The following RRBP1 variants were observed in gnomAD, a reference collection of about 807,000 sequenced individuals.
RRBP1 encodes the protein ribosome binding protein 1, also known as ribosome-binding protein 1.
A neutral mutation model predicts 165.2 loss-of-function variants in RRBP1; 94 were observed. The ratio of observed to expected loss-of-function variants is 0.57; its 90% CI spans 0.48 to 0.68. The LOEUF (loss-of-function observed/expected upper bound fraction) is 0.68. RRBP1 is among the 30% of genes least tolerant of loss of function. RRBP1 has a pLI of 0.00. For synonymous variants in RRBP1, 680 were observed against 714.5 expected (o/e 0.95, Z 0.77); for missense variants, 1,676 against 1,763.0 (o/e 0.95, Z 0.88).
chr20:17,627,712 AAG>A, intron 9 of RRBP1, 30 bp from the exon 10 acceptor site: 2 of 1,555,354 alleles, frequency 1.3e-6, no homozygotes, highest in Non-Finnish European at 1.7e-6. Flanking sequence ...ACGAGAAGTT[AAG>A]AGACTGCAAA....
intron 3 of RRBP1, among the ~76,000 whole-genome samples, chr20:17,651,428 T>C (rs567310192): frequency 3.9e-5 from 6 of 152,396 alleles, no homozygotes; most frequent in African/African-American, 1.4e-4. Context: ...ATGTACATCA[T>C]TGCAGCATTA....
At chr20:17,648,070 G>A (rs546810012) in intron 3 of RRBP1, among the ~76,000 whole-genome samples, 186 of 152,322 alleles carry the variant, frequency 1.2e-3, no homozygotes, top group African/African-American at 4.3e-3. Context: ...CAGAGGCTGA[G>A]GACAAGCTCC....
intron 3 of RRBP1, among the ~76,000 whole-genome samples, chr20:17,645,394 G>A (rs1219988655): frequency 1.3e-5 from 2 of 152,120 alleles, no homozygotes; most frequent in Admixed American, 6.6e-5. Context: ...TGCAACACGC[G>A]AAACAAACGC....
At chr20:17,681,222 G>A (rs976119032) in intron 1 of RRBP1, among the ~76,000 whole-genome samples, 3 of 148,354 alleles carry the variant, frequency 2.0e-5, no homozygotes, top group Admixed American at 6.7e-5. Flanking sequence ...CGGGCCCCGG[G>A]CGCCCTCGTC....
intron 2 of RRBP1, among the ~76,000 whole-genome samples, chr20:17,673,472 G>A (rs907341195): frequency 3.3e-5 from 5 of 152,098 alleles, no homozygotes; most frequent in African/African-American, 1.2e-4. Flanking sequence ...GCAGTGGTAC[G>A]ATCCCGGCTC....
At chr20:17,648,115 G>C (rs1401258917) in intron 3 of RRBP1, among the ~76,000 whole-genome samples, 3 of 152,154 alleles carry the variant, frequency 2.0e-5, no homozygotes, top group Non-Finnish European at 4.4e-5. Context: ...GGGCATCTCT[G>C]TCTCTCTCAA....
At chr20:17,668,371 T>C (rs919711045) in intron 2 of RRBP1, among the ~76,000 whole-genome samples, 14 of 152,248 alleles carry the variant, frequency 9.2e-5, no homozygotes, top group African/African-American at 3.4e-4. Flanking sequence ...TATTTTTCAT[T>C]GTCTTCTTTT....
Position 17,614,286 on chromosome 20 carries a change from C to CTA in RRBP1, c.4195-68_4195-67dup. On this transcript the variant is annotated intron_variant, in intron 24 of 24. Transcript: ENST00000377813. ...GAGCCATGGCAGAACCACCTGCCCT[C>CTA]TACCCTGGGCCTTTAGTCCCTCCCT... is the stretch of plus-strand genomic sequence containing the variant. The CTA allele has an allele frequency of 2.0e-6, 3 of 1,493,062 alleles. No homozygotes were observed. In the South Asian group the frequency reaches 3.4e-5, roughly 17 times the overall value. 92.5% of individuals were successfully genotyped at this position (1,493,062 alleles called of 1,614,324 possible).
chr20:17,665,726 T>C (rs1465672063), intron 2 of RRBP1, among the ~76,000 whole-genome samples: 1 of 152,208 alleles, frequency 6.6e-6, no homozygotes, highest in African/African-American at 2.4e-5. Flanking sequence ...GTGAAAAATC[T>C]CCTTTATACC....
chr20:17,680,656 T>C (rs1331996681), intron 1 of RRBP1, among the ~76,000 whole-genome samples: 1 of 151,990 alleles, frequency 6.6e-6, no homozygotes, highest in East Asian at 1.9e-4. Context: ...GATAAGAAAC[T>C]AGGATTCAGA....
At chr20:17,619,187 G>A (rs1342150206) in intron 19 of RRBP1, 1 of 176,618 alleles carries the variant, frequency 5.7e-6, no homozygotes, top group African/African-American at 2.4e-5. Flanking sequence ...TCAAAGTGCT[G>A]GGATTACAGG....
intron 2 of RRBP1, among the ~76,000 whole-genome samples, chr20:17,672,683 A>G (rs113112994): frequency 1.3e-5 from 2 of 152,200 alleles, no homozygotes; most frequent in South Asian, 2.1e-4. Flanking sequence ...TACAGACCCA[A>G]TGGAAATGTG....
rs2122526464 is a variant in RRBP1 at position 17,680,085 on chromosome 20, A to C, written c.-98-10T>G. ...AACCGGAAGCTTCTTTCTGGAAGGG[A>C]AAGAGGTTGGCATATGATAGTGGGA... On this transcript the variant is annotated splice_polypyrimidine_tract_variant and intron_variant, in intron 1 of 24. Transcript: ENST00000377813. 1 of 152,408 alleles carries C rather than the reference A, an allele frequency of 6.6e-6. No homozygotes were observed. Among genetic ancestry groups the C allele is most frequent in the East Asian group, 1.9e-4 (1 of 5,194 alleles). The allele number at this position is 152,408 out of a possible 1,614,324, so 9.4% of individuals were successfully genotyped here.
chr20:17,636,314 T>G (rs1005555675), intron 6 of RRBP1, among the ~76,000 whole-genome samples: 1 of 152,280 alleles, frequency 6.6e-6, no homozygotes, highest in Admixed American at 6.5e-5. Flanking sequence ...CATCTGAGAC[T>G]AGGCTCTTTT....
intron 2 of RRBP1, among the ~76,000 whole-genome samples, chr20:17,661,422 T>C (rs1057437291): frequency 1.3e-5 from 2 of 152,092 alleles, no homozygotes; most frequent in African/African-American, 2.4e-5. Context: ...GAGGAGACAG[T>C]GTCAGCAGGC....
intron 6 of RRBP1, among the ~76,000 whole-genome samples, 158 bp from the exon 7 acceptor site, chr20:17,635,822 G>T (rs527546814): frequency 6.6e-6 from 1 of 152,248 alleles, no homozygotes; most frequent in East Asian, 1.9e-4. Context: ...AAAACAAGAG[G>T]CCTGAAAATT....
At chr20:17,629,049 CAG>C (rs1179592580) in intron 9 of RRBP1, among the ~76,000 whole-genome samples, 1 of 152,262 alleles carries the variant, frequency 6.6e-6, no homozygotes, top group Non-Finnish European at 1.5e-5. Context: ...GCAGTTGTGA[CAG>C]AGACTGGCCA....
intron 6 of RRBP1, among the ~76,000 whole-genome samples, chr20:17,636,243 T>C (rs1446652919): frequency 6.6e-6 from 1 of 152,246 alleles, no homozygotes; most frequent in African/African-American, 2.4e-5. Flanking sequence ...TGCGTTTCTC[T>C]AGGTTCACAT....
Position 17,659,742 on chromosome 20 carries a change from G to C in RRBP1, c.766C>G (p.Pro256Ala), listed in dbSNP as rs1256844509. 1 of 1,550,044 alleles carries C rather than the reference G, an allele frequency of 6.5e-7. No homozygotes were observed. The highest frequency in any genetic ancestry group is 8.7e-7 in the Non-Finnish European group (1 of 1,146,834). ...CCCTCCGCCTTTTTGCCTTGGTTTG[G>C]GGTTCCTTCTGCCTTTTTGCCTTGG... ...PNQGKKAEGT[P>A]NQGKKAEGAQ... The change falls in exon 3 of 25, where the codon CCA (proline) becomes GCA (alanine). Residue 256 changes from proline (P) to alanine (A), a missense_variant. By Grantham distance (27) the Pro-to-Ala change is conservative. This residue lies in a region of RRBP1 where 392 missense variants were observed against 382.5 expected (regional missense o/e 1.02). Transcript: ENST00000377813.
Sources: allele counts gnomAD v4.1 joint callset (sites outside exome capture counted in the v4.1 genomes callset), GRCh38; gene constraint gnomAD v4.1.1; regional missense constraint gnomAD v4.1.1; transcripts MANE v1.5; gene names NCBI Gene and HGNC (gene_info 2026-07-23, HGNC 2026-07-21).